The following SPOCK2 variants were observed in gnomAD, a reference collection of about 807,000 sequenced individuals.
SPOCK2 encodes the protein SPARC (osteonectin), cwcv and kazal like domains proteoglycan 2, also known as testican-2.
In SPOCK2, 39 loss-of-function variants were observed where a neutral mutation model predicts 60.1. The observed-to-expected ratio is 0.65, with a 90% confidence interval of 0.50 to 0.85. The LOEUF (loss-of-function observed/expected upper bound fraction) is 0.85. SPOCK2 is among the 40% of genes least tolerant of loss of function. The probability of loss-of-function intolerance (pLI) is 0.00; values close to 1 mark genes in which losing one functional copy is unlikely to be tolerated. For synonymous variants in SPOCK2, 217 were observed against 231.5 expected (o/e 0.94, Z 0.57); for missense variants, 523 against 567.4 (o/e 0.92, Z 0.80).
intron 3 of SPOCK2, 55 bp downstream of exon 3, chr10:72,072,448 G>T (rs1840661316): frequency 6.2e-7 from 1 of 1,611,466 alleles, no homozygotes; most frequent in Non-Finnish European, 8.5e-7. Flanking sequence ...TTGCCCTCTG[G>T]TCTCAAGTCT....
chr10:72,064,022 C>T (rs2131809442), intron 9 of SPOCK2, among the ~76,000 whole-genome samples, 156 bp downstream of exon 9: 1 of 152,346 alleles, frequency 6.6e-6, no homozygotes, highest in African/African-American at 2.4e-5. Flanking sequence ...CAAGGATAGA[C>T]ACAGGAAGGG....
chr10:72,076,703 G>A (rs1299817567), intron 1 of SPOCK2, among the ~76,000 whole-genome samples: 3 of 152,210 alleles, frequency 2.0e-5, no homozygotes, highest in Non-Finnish European at 4.4e-5. Flanking sequence ...ATAGGCGTGA[G>A]CCACTGCACC....
In SPOCK2 at chr10:72,062,612, C is replaced by A; in HGVS notation, c.*148G>T. On this transcript the variant is annotated 3_prime_UTR_variant, in exon 11 of 11. Transcript: ENST00000373109. The surrounding 1 kb of genome is among the most constrained non-coding windows in gnomAD (Gnocchi z 4.3). ...TCACCCGTCCCAGCCATCTGTGCCA[C>A]ACACATGCCATGCACACTCACACTC... 4.2e-6 allele frequency: 6 copies of A among 1,437,850 alleles called. No individual in the cohort carries two copies. The highest frequency in any genetic ancestry group is 5.6e-6 in the Non-Finnish European group (6 of 1,076,332). 89.1% of individuals were successfully genotyped at this position (1,437,850 alleles called of 1,614,324 possible).
chr10:72,081,998 TGGTA>T (rs1175880892), intron 1 of SPOCK2, among the ~76,000 whole-genome samples: 2 of 151,918 alleles, frequency 1.3e-5, no homozygotes, highest in African/African-American at 4.8e-5. Context: ...GGGGATGGGG[TGGTA>T]AGGTACACAA....
intron 1 of SPOCK2, among the ~76,000 whole-genome samples, chr10:72,080,449 C>T (rs1285665888): frequency 6.6e-6 from 1 of 152,128 alleles, no homozygotes; most frequent in East Asian, 1.9e-4. Flanking sequence ...CCTCCTCCTG[C>T]CCTCCCTGGA....
chr10:72,064,172 C>T lies in SPOCK2; in HGVS notation c.991+6G>A, dbSNP rs915604390. 1.4e-5 allele frequency: 22 copies of T among 1,612,146 alleles called. No homozygotes were observed. Among genetic ancestry groups the T allele is most frequent in the Non-Finnish European group, 1.7e-5 (20 of 1,179,460 alleles). ...CCTCCTCTGAGAGCCTGGTCTGGCC[C>T]CTCACCTGGCTTCTTCTTGGCGGCC... On this transcript the variant is annotated splice_donor_region_variant and intron_variant, in intron 9 of 10. Transcript: ENST00000373109.
intron 7 of SPOCK2, 102 bp from the exon 8 acceptor site, chr10:72,067,222 G>C: frequency 8.3e-7 from 1 of 1,208,098 alleles, no homozygotes; most frequent in Non-Finnish European, 1.1e-6. Context: ...CTCTATTCTG[G>C]GTCTGGGCAG....
intron 8 of SPOCK2, among the ~76,000 whole-genome samples, chr10:72,065,968 C>G (rs1840562263): frequency 6.6e-6 from 1 of 152,152 alleles, no homozygotes; most frequent in Admixed American, 6.5e-5. Context: ...GGGGCCCGGG[C>G]TGAAGCTTTG....
At position 72,088,397 on chromosome 10, in the gene SPOCK2, C is replaced by T. The variant is rs2131827256; in HGVS notation, c.-69G>A. On this transcript the variant is annotated 5_prime_UTR_variant, in exon 1 of 11. Transcript: ENST00000373109. ...TTTTAATGTCCTTCCTCCCACCCCG[C>T]TGCTGGCGAAGCGCACGCGGCTGTC... is the stretch of plus-strand genomic sequence containing the variant. 7.0e-7 allele frequency: 1 copy of T among 1,433,518 alleles called. No individual in the cohort carries two copies. Among genetic ancestry groups the T allele is most frequent in the Non-Finnish European group, 9.1e-7 (1 of 1,094,262 alleles). 88.8% of individuals were successfully genotyped at this position (1,433,518 alleles called of 1,614,324 possible).
rs1668174 is a variant in SPOCK2, at chr10:72,061,905, C to T, written c.*855G>A. 0.36 allele frequency: 54,918 copies of T among 153,642 alleles called. 10,750 individuals carry two copies. Among genetic ancestry groups the T allele is most frequent in the Middle Eastern group, 0.5 (154 of 310 alleles). The allele number at this position is 153,642 out of a possible 1,614,324, so 9.5% of individuals were successfully genotyped here. ...GCTCTGCAGCCACAGCCTCCTCCTG[C>T]TGAGCCGACCCCCTCTCCTCACCCT... On this transcript the variant is annotated 3_prime_UTR_variant, in exon 11 of 11. Transcript: ENST00000373109.
chr10:72,076,694 T>C (rs1168617649), intron 1 of SPOCK2, among the ~76,000 whole-genome samples: 1 of 152,206 alleles, frequency 6.6e-6, no homozygotes, highest in Non-Finnish European at 1.5e-5. Flanking sequence ...GCTGAGATTA[T>C]AGGCGTGAGC....
At chr10:72,086,536 G>C (rs1254865442) in intron 1 of SPOCK2, 3 of 1,135,084 alleles carry the variant, frequency 2.6e-6, no homozygotes, top group Non-Finnish European at 1.1e-6. Flanking sequence ...CGGATGGGCC[G>C]GCCTGCTGCC....
intron 8 of SPOCK2, 90 bp from the exon 9 acceptor site, chr10:72,064,330 G>A: frequency 1.5e-6 from 2 of 1,371,434 alleles, no homozygotes; most frequent in Non-Finnish European, 1.9e-6. Context: ...CCCAGGCAGG[G>A]GCTCTGCAAG....
intron 1 of SPOCK2, among the ~76,000 whole-genome samples, chr10:72,084,631 C>T (rs919968635): frequency 6.6e-6 from 1 of 152,206 alleles, no homozygotes; most frequent in African/African-American, 2.4e-5. Context: ...CTCACTTTCG[C>T]TAAGGGTGAG....
chr10:72,078,291 G>A (rs913251457), intron 1 of SPOCK2, among the ~76,000 whole-genome samples: 10 of 152,088 alleles, frequency 6.6e-5, no homozygotes, highest in Admixed American at 1.3e-4. Context: ...CAAGGCGGGC[G>A]GATCACGAGG....
chr10:72,081,286 C>T (rs1168860677), intron 1 of SPOCK2, among the ~76,000 whole-genome samples: 1 of 152,202 alleles, frequency 6.6e-6, no homozygotes, highest in Non-Finnish European at 1.5e-5. Flanking sequence ...GAATAGGAGC[C>T]CGAACGATTT....
intron 1 of SPOCK2, among the ~76,000 whole-genome samples, chr10:72,077,998 C>A (rs1459599704): frequency 1.3e-5 from 2 of 152,180 alleles, no homozygotes; most frequent in Non-Finnish European, 2.9e-5. Context: ...CCCGGTCTCT[C>A]TCTCTTTGAA....
At chr10:72,069,585 A>G (rs1287526913) in intron 5 of SPOCK2, among the ~76,000 whole-genome samples, 1 of 151,228 alleles carries the variant, frequency 6.6e-6, no homozygotes, top group Non-Finnish European at 1.5e-5. Flanking sequence ...AGCCTCTCAG[A>G]TAGCTGGAAT....
chr10:72,073,043 C>T, intron 1 of SPOCK2, 133 bp from the exon 2 acceptor site: 1 of 1,251,970 alleles, frequency 8.0e-7, no homozygotes, highest in Middle Eastern at 1.9e-4. Flanking sequence ...GAGCAATGGC[C>T]TTCGATGGCT....
Sources: gnomAD v4.1 joint callset for allele counts (sites outside exome capture counted in the v4.1 genomes callset) on GRCh38, gnomAD v4.1.1 for gene constraint, Gnocchi (gnomAD v3.1) non-coding constraint, MANE v1.5 for transcripts, NCBI Gene and HGNC (gene_info 2026-07-23, HGNC 2026-07-21) for gene names.